DTNB: variants seen among roughly 807,000 people sequenced by gnomAD.
The protein encoded by DTNB is DTN-B.
A neutral mutation model predicts 90.7 loss-of-function variants in DTNB; 63 were observed. The ratio of observed to expected loss-of-function variants is 0.69; its 90% confidence interval spans 0.57 to 0.86. DTNB has a LOEUF of 0.86. Ranked by LOEUF, DTNB falls within the 40% of genes least tolerant of loss-of-function variation. The pLI, the probability that DTNB is intolerant of heterozygous loss-of-function variation, is 0.00. For missense variants in DTNB, 744 were observed against 807.1 expected (o/e 0.92, Z 0.95); for synonymous variants, 277 against 286.7 (o/e 0.97, Z 0.34).
At chr2:25,558,778 T>C (rs79676489) in intron 8 of DTNB, among the ~76,000 whole-genome samples, 1,756 of 152,280 alleles carry the variant, frequency 0.012, 38 homozygotes, top group African/African-American at 0.04. Context: ...AGGAGCAATA[T>C]CTAAAACATC....
At chr2:25,593,437 G>A (rs1014595668) in intron 6 of DTNB, among the ~76,000 whole-genome samples, 10 of 152,194 alleles carry the variant, frequency 6.6e-5, no homozygotes, top group Admixed American at 1.3e-4. Context: ...ATGAAACTTT[G>A]TCCAAGCTGT....
chr2:25,405,377 C>T (rs890131636), intron 16 of DTNB, among the ~76,000 whole-genome samples: 26 of 152,152 alleles, frequency 1.7e-4, no homozygotes, highest in African/African-American at 5.1e-4. Context: ...CCCGTCTCTA[C>T]TAAAAATACA....
intron 1 of DTNB, among the ~76,000 whole-genome samples, chr2:25,657,120 G>A (rs1210185967): frequency 2.6e-5 from 4 of 152,162 alleles, no homozygotes; most frequent in African/African-American, 9.7e-5. Flanking sequence ...AGGTTGCACT[G>A]AGCCGAGATC....
intron 8 of DTNB, 38 bp downstream of exon 8, chr2:25,576,800 T>A: frequency 2.5e-6 from 4 of 1,580,126 alleles, no homozygotes; most frequent in Non-Finnish European, 3.4e-6. Flanking sequence ...TCAAACAGAT[T>A]AACACTCAGG....
rs116002856 is a variant in DTNB at position 25,596,106 on chromosome 2, G to A, written c.583C>T (p.Arg195Cys). Residue 195 changes from arginine (R) to cysteine (C), a missense_variant, in exon 6 of 21, where the codon CGC becomes TGC. Transcript: ENST00000406818. ...PSFGYTEHSV[R>C]TCFPQQRKIM... ...CTTACCTGCTGTGGAAAACAGGTGC[G>A]GACTGAGTGCTCTGTGTAACCAAAA... The A allele has an allele frequency of 1.5e-5, 24 of 1,611,404 alleles. No individual in the cohort carries two copies. Among genetic ancestry groups the A allele is most frequent in the Admixed American group, 5.0e-5 (3 of 59,558 alleles).
intron 7 of DTNB, among the ~76,000 whole-genome samples, chr2:25,579,181 A>C (rs2061183862): frequency 6.6e-6 from 1 of 152,214 alleles, no homozygotes; most frequent in African/African-American, 2.4e-5. Flanking sequence ...AATTGGACAT[A>C]AAACTACTAA....
intron 10 of DTNB, among the ~76,000 whole-genome samples, chr2:25,477,110 A>C (rs749473165): frequency 6.6e-6 from 1 of 152,254 alleles, no homozygotes; most frequent in Non-Finnish European, 1.5e-5. Context: ...GAACTTGCTG[A>C]AGTCTCAGAT....
chr2:25,396,036 C>T (rs770848625), intron 16 of DTNB, among the ~76,000 whole-genome samples: 2 of 152,028 alleles, frequency 1.3e-5, no homozygotes, highest in Admixed American at 6.6e-5. Context: ...CATCAATCAA[C>T]GAGTGGATAA....
chr2:25,571,645 T>G (rs958389806), intron 8 of DTNB, among the ~76,000 whole-genome samples: 2 of 152,302 alleles, frequency 1.3e-5, no homozygotes, highest in South Asian at 4.1e-4. Context: ...TCCCCAGCCC[T>G]AAGTTCCTGA....
chr2:25,425,833 A>G (rs2051376564), intron 15 of DTNB, among the ~76,000 whole-genome samples: 1 of 152,224 alleles, frequency 6.6e-6, no homozygotes, highest in Non-Finnish European at 1.5e-5. Flanking sequence ...TTCGATGCCA[A>G]TAAAATTGTC....
Position 25,652,612 on chromosome 2 carries a change from G to A in DTNB, c.49C>T (p.Gln17Ter), listed in dbSNP as rs1311618255. The change falls in exon 2 of 21, where the codon CAG becomes TAG. Residue 17 changes from glutamine to a stop codon, truncating the protein, a stop_gained. Coordinates refer to ENST00000406818, the MANE Select transcript of DTNB (RefSeq NM_021907.5). LOFTEE classifies it high-confidence loss of function. ...NKRKTMAEKR[Q>*]LFIEMRAQNF... ...GACTCACGCATTTCTATGAACAGCT[G>A]CCTCTTCTCTGCCATGGTCTTCCGC... is the stretch of plus-strand genomic sequence containing the variant. 1 of 1,611,494 alleles carries A rather than the reference G, an allele frequency of 6.2e-7. No homozygotes were observed. Among genetic ancestry groups the A allele is most frequent in the Non-Finnish European group, 8.5e-7 (1 of 1,179,544 alleles).
At chr2:25,447,699 G>C (rs2150098298) in intron 12 of DTNB, among the ~76,000 whole-genome samples, 1 of 151,928 alleles carries the variant, frequency 6.6e-6, no homozygotes, top group East Asian at 1.9e-4. Flanking sequence ...AGTAGAGACG[G>C]GGTTTCACCA....
intron 9 of DTNB, among the ~76,000 whole-genome samples, chr2:25,498,503 G>A (rs1393808711): frequency 6.6e-6 from 1 of 152,098 alleles, no homozygotes; most frequent in African/African-American, 2.4e-5. Flanking sequence ...ATAGATGAGG[G>A]ACACAGTGCA....
At position 25,387,363 on chromosome 2, in the gene DTNB, A is replaced by C; in HGVS notation, c.1751T>G (p.Leu584Arg). The change falls in exon 18 of 21, where the codon CTC (leucine) becomes CGC (arginine). Residue 584 changes from leucine (L) to arginine (R), a missense_variant. Physicochemically the swap from Leu to Arg is moderately radical, Grantham distance 102. Transcript: ENST00000406818. This position sits in a 1 kb window ranked among gnomAD's most constrained non-coding sequence, Gnocchi z 4.5. The part of the protein sequence containing the change: ...EAFAQGTRRN[L>R]RNDLLVAADS... Reference sequence around the variant, plus strand: ...AGCTGCCACCAGCAGGTCATTGCGGAGGTTTCTCCTCGTACCTGAGGAGAG... The same window carrying C: ...AGCTGCCACCAGCAGGTCATTGCGGCGGTTTCTCCTCGTACCTGAGGAGAG... 6.2e-7 allele frequency: 1 copy of C among 1,612,262 alleles called. No homozygotes were observed. The highest frequency in any genetic ancestry group is 8.5e-7 in the Non-Finnish European group (1 of 1,179,230).
At chr2:25,572,239 A>AGGTG (rs988644462) in intron 8 of DTNB, among the ~76,000 whole-genome samples, 1 of 152,146 alleles carries the variant, frequency 6.6e-6, no homozygotes, top group African/African-American at 2.4e-5. Flanking sequence ...AGGCCGAGGC[A>AGGTG]GGTGGATCAC....
At chr2:25,572,016 A>G (rs1250082808) in intron 8 of DTNB, among the ~76,000 whole-genome samples, 1 of 152,120 alleles carries the variant, frequency 6.6e-6, no homozygotes, top group Non-Finnish European at 1.5e-5. Flanking sequence ...TTATGCACAG[A>G]GCACCCTTGC....
intron 10 of DTNB, among the ~76,000 whole-genome samples, chr2:25,462,680 A>G (rs545867150): frequency 6.6e-6 from 1 of 152,114 alleles, no homozygotes; most frequent in African/African-American, 2.4e-5. Flanking sequence ...ACTCTTATAT[A>G]TCTTCTCTTG....
rs182855875 is a variant in DTNB at position 25,410,585 on chromosome 2, A to G, written c.1575+8930T>C. ...AAGGATCTTGATGAAAAGAGGGGAA[A>G]TGAGAACAAAAATAACTCGGGGAAG... On this transcript the variant is annotated intron_variant, in intron 16 of 20. Coordinates refer to ENST00000406818, the MANE Select transcript of DTNB (RefSeq NM_021907.5). Among the ~76,000 whole-genome samples the G allele has an allele frequency of 4.1e-3, 624 of 152,316 alleles. 4 individuals are homozygous for G. The highest frequency in any genetic ancestry group is 0.02 in the Middle Eastern group (6 of 294).
intron 2 of DTNB, among the ~76,000 whole-genome samples, chr2:25,649,208 T>C (rs999587743): frequency 1.4e-4 from 22 of 151,984 alleles, no homozygotes; most frequent in African/African-American, 5.1e-4. Context: ...GGTTTCACCA[T>C]GTTAGCCAGG....
Sources: allele counts gnomAD v4.1 joint callset (sites outside exome capture counted in the v4.1 genomes callset), GRCh38; gene constraint gnomAD v4.1.1; non-coding constraint Gnocchi (gnomAD v3.1); transcripts MANE v1.5; gene names NCBI Gene and HGNC (gene_info 2026-07-23, HGNC 2026-07-21).